The following NEK1 variants were observed in gnomAD, a reference collection of about 807,000 sequenced individuals.
The protein encoded by NEK1 is NIMA related kinase 1.
NEK1 carries 137 observed loss-of-function variants against 182.1 expected under a neutral mutation model. That is an observed-to-expected ratio of 0.75 (90% CI 0.65 to 0.87). The LOEUF is 0.87. Ranked by LOEUF, NEK1 falls within the 40% of genes least tolerant of loss-of-function variation. NEK1 has a pLI of 0.00. For missense variants in NEK1, 1,391 were observed against 1,494.4 expected, an observed-to-expected ratio of 0.93 and a Z score of 1.14; for synonymous variants, 513 against 492.2, an observed-to-expected ratio of 1.04 and a Z score of -0.56.
rs1446412404 is a variant in NEK1, at chr4:169,490,914, C to A, written c.2008-11380G>T. ...ATCCCAGCACTTTGGGAGGCCAAGGCGGGAGGATCACGAGGTCAGGAGATC... is the reference window on the plus strand; with the variant it reads ...ATCCCAGCACTTTGGGAGGCCAAGGAGGGAGGATCACGAGGTCAGGAGATC... On this transcript the variant is annotated intron_variant, in intron 23 of 35. Coordinates refer to ENST00000507142, the MANE Select transcript of NEK1 (RefSeq NM_001199397.3). Among the ~76,000 whole-genome samples the A allele has an allele frequency of 2.0e-5, 3 of 151,892 alleles. No homozygotes were observed. The South Asian group carries it at 6.2e-4, about 31-fold the overall frequency.
chr4:169,438,112 A>G lies in NEK1; in HGVS notation c.2735T>C (p.Met912Thr). Residue 912 changes from methionine to threonine, a missense_variant, in exon 28 of 36, where the codon ATG (methionine) becomes ACG (threonine). By Grantham distance (81) the Met-to-Thr change is moderately conservative. Coordinates refer to ENST00000507142, the MANE Select transcript of NEK1 (RefSeq NM_001199397.3). ...SPEFSEASPQ[M>T]SLKLEGNLEE... ...TAAATTTCCTTCCAGTTTCAATGACATCTGTGGAGATGCCTCACTGAACTC... is the reference window on the plus strand; with the variant it reads ...TAAATTTCCTTCCAGTTTCAATGACGTCTGTGGAGATGCCTCACTGAACTC... The G allele has an allele frequency of 6.2e-7, 1 of 1,612,298 alleles. No individual in the cohort carries two copies. Among genetic ancestry groups the G allele is most frequent in the South Asian group, 1.1e-5 (1 of 90,500 alleles).
chr4:169,445,973 C>T (rs1210777587), intron 27 of NEK1, among the ~76,000 whole-genome samples: 3 of 150,758 alleles, frequency 2.0e-5, no homozygotes, highest in African/African-American at 7.4e-5. Context: ...GGTCATTATC[C>T]ATATAGAGAA....
At chr4:169,521,764 T>C (rs1756095300) in intron 19 of NEK1, among the ~76,000 whole-genome samples, 2 of 152,214 alleles carry the variant, frequency 1.3e-5, no homozygotes, top group South Asian at 4.1e-4. Flanking sequence ...CACTTCCTTC[T>C]AAACTCCATG....
At position 169,545,678 on chromosome 4, in the gene NEK1, G is replaced by C. The variant is rs558222647; in HGVS notation, c.1563-7767C>G. On this transcript the variant is annotated intron_variant, in intron 18 of 35. Coordinates refer to ENST00000507142, the MANE Select transcript of NEK1 (RefSeq NM_001199397.3). The stretch of plus-strand genomic sequence containing the variant: ...TTACAGTCCCACCAACAGTGTAAAA[G>C]TGTTCCTATTTCTCCACATCCTCTC... 4.7e-3 allele frequency among the ~76,000 whole-genome samples: 700 copies of C among 150,342 alleles called. 3 individuals are homozygous for C. The highest frequency in any genetic ancestry group is 0.016 in the African/African-American group (647 of 40,680).
intron 29 of NEK1, among the ~76,000 whole-genome samples, chr4:169,429,214 G>A (rs1397443780): frequency 6.6e-6 from 1 of 152,086 alleles, no homozygotes; most frequent in Non-Finnish European, 1.5e-5. Context: ...CTAAAGGATG[G>A]CTGTATACAG....
intron 31 of NEK1, among the ~76,000 whole-genome samples, chr4:169,418,322 G>A (rs998846107): frequency 6.6e-6 from 1 of 152,124 alleles, no homozygotes; most frequent in African/African-American, 2.4e-5. Flanking sequence ...CTCTTTACAG[G>A]AAGATAGTAA....
intron 18 of NEK1, among the ~76,000 whole-genome samples, chr4:169,549,284 G>A (rs189604799): frequency 6.6e-6 from 1 of 152,298 alleles, no homozygotes; most frequent in African/African-American, 2.4e-5. Flanking sequence ...TCCTTGGGCT[G>A]TACACACTGT....
At chr4:169,453,085 C>T (rs760205788) in intron 27 of NEK1, among the ~76,000 whole-genome samples, 5 of 152,066 alleles carry the variant, frequency 3.3e-5, no homozygotes, top group Non-Finnish European at 5.9e-5. Context: ...GAATAAAATA[C>T]CTAGGAATTC....
At chr4:169,587,073 T>G (rs895013320) in intron 9 of NEK1, among the ~76,000 whole-genome samples, 2 of 151,946 alleles carry the variant, frequency 1.3e-5, no homozygotes, top group African/African-American at 4.8e-5. Flanking sequence ...TTTTAGTGTG[T>G]TATATGTTAT....
chr4:169,586,834 A>G (rs905600083), intron 9 of NEK1, among the ~76,000 whole-genome samples: 3 of 152,062 alleles, frequency 2.0e-5, no homozygotes, highest in African/African-American at 7.2e-5. Flanking sequence ...AACTTCTTAT[A>G]AAGTCTAATC....
rs1273827202 is a variant in NEK1 at position 169,496,673 on chromosome 4, T to A, written c.2007+10364A>T. Among the ~76,000 whole-genome samples the A allele has an allele frequency of 1.8e-3, 273 of 149,816 alleles. 4 individuals are homozygous for A. Among genetic ancestry groups the A allele is most frequent in the African/African-American group, 6.8e-3 (268 of 39,362 alleles). On this transcript the variant is annotated intron_variant, in intron 23 of 35. Coordinates refer to ENST00000507142, the MANE Select transcript of NEK1 (RefSeq NM_001199397.3). ...TCTATTGAGATAATCATGTGGTTTT[T>A]GCCTTTGGTTCTGTTTATATGCTGG... is the stretch of plus-strand genomic sequence containing the variant.
chr4:169,409,503 TCA>T (rs1561137085), intron 31 of NEK1, among the ~76,000 whole-genome samples: 1 of 148,842 alleles, frequency 6.7e-6, no homozygotes, highest in Non-Finnish European at 1.5e-5. Flanking sequence ...AGTGGCTCAC[TCA>T]CACCTGCAAT....
intron 2 of NEK1, among the ~76,000 whole-genome samples, chr4:169,603,605 T>C (rs1207844086): frequency 1.3e-5 from 2 of 152,208 alleles, no homozygotes; most frequent in Non-Finnish European, 2.9e-5. Context: ...TTTGTTATTG[T>C]TGTTACTCCA....
intron 35 of NEK1, among the ~76,000 whole-genome samples, 192 bp from the exon 36 acceptor site, chr4:169,394,715 T>A (rs1435028819): frequency 6.6e-6 from 1 of 152,098 alleles, no homozygotes; most frequent in Non-Finnish European, 1.5e-5. Flanking sequence ...GAAGCAAAAA[T>A]CATCTGTAAG....
chr4:169,591,270 G>A (rs757913918), intron 5 of NEK1, among the ~76,000 whole-genome samples: 5 of 151,484 alleles, frequency 3.3e-5, no homozygotes, highest in African/African-American at 9.7e-5. Context: ...CTCAGCCTCC[G>A]AGGGACTAGG....
intron 32 of NEK1, 123 bp downstream of exon 32, chr4:169,406,473 T>C (rs369378526): frequency 6.4e-6 from 4 of 624,436 alleles, no homozygotes; most frequent in East Asian, 3.1e-5. Context: ...AAAAATAATA[T>C]ACAGAAGACA....
At chr4:169,586,679 C>A (rs1157994269) in intron 9 of NEK1, among the ~76,000 whole-genome samples, 3 of 151,532 alleles carry the variant, frequency 2.0e-5, no homozygotes, top group African/African-American at 7.3e-5. Flanking sequence ...ACCACCATCC[C>A]ACATTACTTT....
intron 27 of NEK1, among the ~76,000 whole-genome samples, chr4:169,453,502 A>T (rs1010808554): frequency 6.6e-6 from 1 of 152,202 alleles, no homozygotes; most frequent in Non-Finnish European, 1.5e-5. Flanking sequence ...GCACTGTGAC[A>T]TGTTCATGAT....
intron 23 of NEK1, among the ~76,000 whole-genome samples, chr4:169,501,925 A>C (rs1752487831): frequency 1.3e-5 from 2 of 152,166 alleles, no homozygotes; most frequent in African/African-American, 4.8e-5. Flanking sequence ...TTAAATTGAG[A>C]CCAAACAGCC....
Sources: gnomAD v4.1 joint callset for allele counts (sites outside exome capture counted in the v4.1 genomes callset) on GRCh38, gnomAD v4.1.1 for gene constraint, MANE v1.5 for transcripts, NCBI Gene and HGNC (gene_info 2026-07-23, HGNC 2026-07-21) for gene names.